ARHGAP45: variants seen among roughly 807,000 people sequenced by gnomAD.
ARHGAP45 encodes rho GTPase-activating protein 45.
In ARHGAP45, 56 loss-of-function variants were observed where a neutral mutation model predicts 116.1. That is an observed-to-expected ratio of 0.48 (90% CI 0.39 to 0.60). The LOEUF (loss-of-function observed/expected upper bound fraction) is 0.60, where lower values mean the gene tolerates loss of function less well. Ranked by LOEUF, ARHGAP45 falls within the 20% of genes least tolerant of loss-of-function variation. The pLI is 0.00. For synonymous variants in ARHGAP45, 866 were observed against 701.7 expected (o/e 1.23, Z -3.70); for missense variants, 1,622 against 1,601.0 (o/e 1.01, Z -0.22).
chr19:1,086,204 T>A lies in ARHGAP45; in HGVS notation c.*198T>A. 2 of 589,102 alleles carry A rather than the reference T, an allele frequency of 3.4e-6. No individual in the cohort carries two copies. Among genetic ancestry groups the A allele is most frequent in the Non-Finnish European group, 6.1e-6 (2 of 330,396 alleles). 36.5% of individuals were successfully genotyped at this position (589,102 alleles called of 1,614,324 possible). A position where few individuals can be genotyped will look rare whatever the true frequency, so the allele number is the denominator to read the frequency against. On this transcript the variant is annotated 3_prime_UTR_variant, in exon 23 of 23. Coordinates refer to ENST00000313093, the MANE Select transcript of ARHGAP45 (RefSeq NM_012292.5). ...ACGAGGGCCTTGCGGCACAGGACTG[T>A]GCCCTGTGCTGTCCCCTGCACCCCG...
In ARHGAP45 at chr19:1,068,637, C is replaced by T. The variant is rs765581037; in HGVS notation, c.314C>T (p.Thr105Ile). The T allele has an allele frequency of 2.5e-6, 4 of 1,612,242 alleles. No homozygotes were observed. In the East Asian group the frequency reaches 6.7e-5, roughly 27 times the overall value. The stretch of plus-strand genomic sequence containing the variant: ...GCCGCCAGCCCGGGCGAGCTGCCCA[C>T]CGAGGGTGCCGGCCCGGACGTCGTC... ...LTAASPGELP[T>I]EGAGPDVVED... The change falls in exon 2 of 23, where the codon ACC (threonine) becomes ATC (isoleucine). Residue 105 changes from threonine to isoleucine, a missense_variant. By Grantham distance (89) the Thr-to-Ile change is moderately conservative. Coordinates refer to ENST00000313093, the MANE Select transcript of ARHGAP45 (RefSeq NM_012292.5). This position sits in a 1 kb window ranked among gnomAD's most constrained non-coding sequence, Gnocchi z 7.5.
chr19:1,082,150 A>ATCCCCGGGGAAGGG, intron 19 of ARHGAP45, among the ~76,000 whole-genome samples, 189 bp downstream of exon 19: 1 of 148,372 alleles, frequency 6.7e-6, no homozygotes, highest in South Asian at 2.1e-4. Context: ...GGGCGTGGTC[A>ATCCCCGGGGAAGGG]CGGTAGGAGC....
chr19:1,084,935 A>C (rs1475000607), intron 22 of ARHGAP45, among the ~76,000 whole-genome samples: 1 of 152,198 alleles, frequency 6.6e-6, no homozygotes, highest in East Asian at 1.9e-4. Flanking sequence ...TACAAAAATT[A>C]GACAGGTGTG....
chr19:1,086,291 C>A lies in ARHGAP45; in HGVS notation c.*285C>A. On this transcript the variant is annotated 3_prime_UTR_variant, in exon 23 of 23. Coordinates refer to ENST00000313093, the MANE Select transcript of ARHGAP45 (RefSeq NM_012292.5). ...GTCACAGTGGCCTTGTTGGTGCCCACAGGGCTGTGTGGATGGAGGAAGCTG... is the reference window on the plus strand; with the variant it reads ...GTCACAGTGGCCTTGTTGGTGCCCAAAGGGCTGTGTGGATGGAGGAAGCTG... 1 of 409,072 alleles carries A rather than the reference C, an allele frequency of 2.4e-6. No individual in the cohort carries two copies. The highest frequency in any genetic ancestry group is 4.5e-6 in the Non-Finnish European group (1 of 222,238). 25.3% of individuals were successfully genotyped at this position (409,072 alleles called of 1,614,324 possible). A position where few individuals can be genotyped will look rare whatever the true frequency, so the allele number is the denominator to read the frequency against.
intron 10 of ARHGAP45, chr19:1,077,277 T>C (rs1418678650): frequency 1.0e-6 from 1 of 985,010 alleles, no homozygotes; most frequent in East Asian, 1.1e-4. Context: ...TGAGCCTCTG[T>C]GCAGAGCTTG....
intron 2 of ARHGAP45, among the ~76,000 whole-genome samples, chr19:1,070,996 G>C (rs909363528): frequency 6.6e-6 from 1 of 152,192 alleles, no homozygotes; most frequent in African/African-American, 2.4e-5. Flanking sequence ...CCGCGTTCAG[G>C]CAGCTAGGAG....
At chr19:1,082,253 G>A (rs1769635824) in intron 19 of ARHGAP45, among the ~76,000 whole-genome samples, 1 of 136,516 alleles carries the variant, frequency 7.3e-6, no homozygotes, top group African/African-American at 2.8e-5. Flanking sequence ...GGCCACGGCA[G>A]AGGCACACCT....
At chr19:1,077,741 TGGGCCATG>T in intron 10 of ARHGAP45, 108 bp from the exon 11 acceptor site, 1 of 1,531,620 alleles carries the variant, frequency 6.5e-7, no homozygotes. Flanking sequence ...CATGCCCAGC[TGGGCCATG>T]GGGCCTTGCT....
chr19:1,067,369 C>T lies in ARHGAP45; in HGVS notation c.-37C>T. The T allele has an allele frequency of 6.5e-7, 1 of 1,532,958 alleles. No homozygotes were observed. The highest frequency in any genetic ancestry group is 8.8e-7 in the Non-Finnish European group (1 of 1,142,208). 95.0% of individuals were successfully genotyped at this position (1,532,958 alleles called of 1,614,324 possible). A position where few individuals can be genotyped will look rare whatever the true frequency, so the allele number is the denominator to read the frequency against. On this transcript the variant is annotated 5_prime_UTR_variant, in exon 1 of 23. Coordinates refer to ENST00000313093, the MANE Select transcript of ARHGAP45 (RefSeq NM_012292.5). ...CCGGGAGCTGCAGCGCTGAGACCCC[C>T]AGCCCGCCCCCTCGGGCTCCCGGCC...
Position 1,079,888 on chromosome 19 carries a change from GCCT to G in ARHGAP45, c.1513-33_1513-31del, listed in dbSNP as rs779593256. 3.1e-5 allele frequency: 49 copies of G among 1,593,760 alleles called. No individual in the cohort carries two copies. The East Asian group carries it at 5.6e-4, about 18-fold the overall frequency. On this transcript the variant is annotated intron_variant, in intron 12 of 22. Coordinates refer to ENST00000313093, the MANE Select transcript of ARHGAP45 (RefSeq NM_012292.5). ...CCGGGCGGGGATGGTGGACCGGGCG[GCCT>G]CCTCCTGACCCCTCCGCTCTCCGGT...
chr19:1,075,009 G>T (rs1034149811), intron 10 of ARHGAP45, 130 bp downstream of exon 10: 3 of 674,116 alleles, frequency 4.5e-6, no homozygotes, highest in South Asian at 7.1e-5. Flanking sequence ...GCGCATGCGC[G>T]GCCTCGCAGG....
chr19:1,075,236 CTTTTTT>C (rs551827897), intron 10 of ARHGAP45, among the ~76,000 whole-genome samples: 30 of 131,022 alleles, frequency 2.3e-4, no homozygotes, highest in African/African-American at 8.7e-4. Context: ...TGCATGTATT[CTTTTTT>C]TTTTTTTTTT....
At chr19:1,076,337 G>T (rs1013039346) in intron 10 of ARHGAP45, among the ~76,000 whole-genome samples, 1 of 152,074 alleles carries the variant, frequency 6.6e-6, no homozygotes, top group African/African-American at 2.4e-5. Context: ...TGATTTGTCA[G>T]AGCTTTTTAC....
Position 1,080,803 on chromosome 19 carries a change from G to A in ARHGAP45, c.2017+17G>A, listed in dbSNP as rs758441689. On this transcript the variant is annotated intron_variant, in intron 16 of 22. Coordinates refer to ENST00000313093, the MANE Select transcript of ARHGAP45 (RefSeq NM_012292.5). ...TTGAGCAGGGTGAGGGTCCCCTGAC[G>A]GGGCTGGAGAGAGAGGGGGGTTTGG... 2.5e-6 allele frequency: 4 copies of A among 1,612,644 alleles called. No homozygotes were observed. The highest frequency in any genetic ancestry group is 2.2e-5 in the South Asian group (2 of 91,046).
intron 19 of ARHGAP45, among the ~76,000 whole-genome samples, chr19:1,082,256 G>A (rs1337987928): frequency 3.8e-5 from 5 of 130,468 alleles, no homozygotes; most frequent in African/African-American, 8.2e-5. Flanking sequence ...CACGGCAGAG[G>A]CACACCTGAC....
intron 13 of ARHGAP45, 34 bp downstream of exon 13, chr19:1,080,152 C>T: frequency 1.2e-6 from 2 of 1,610,758 alleles, no homozygotes; most frequent in Non-Finnish European, 1.7e-6. Flanking sequence ...CCCCGGCGCA[C>T]AAGGCCCTGC....
chr19:1,083,483 C>G (rs910469356), intron 21 of ARHGAP45, 130 bp downstream of exon 21: 5 of 749,726 alleles, frequency 6.7e-6, no homozygotes, highest in African/African-American at 5.3e-5. Context: ...CAGGGCTGTT[C>G]GGGAGGCCAC....
At chr19:1,073,476 C>T in intron 3 of ARHGAP45, 30 bp from the exon 4 acceptor site, 1 of 1,606,214 alleles carries the variant, frequency 6.2e-7, no homozygotes, top group Non-Finnish European at 8.5e-7. Flanking sequence ...AGAGTGGGCC[C>T]ACCTCCTTGT....
Position 1,085,802 on chromosome 19 carries a change from CA to C in ARHGAP45, c.3208del (p.Ser1070AlafsTer47). On this transcript the variant is annotated frameshift_variant, in exon 23 of 23. Coordinates refer to ENST00000313093, the MANE Select transcript of ARHGAP45 (RefSeq NM_012292.5). LOFTEE classifies it low-confidence loss of function (END_TRUNC). Reference protein sequence around the residue: ...SEASLEVASGSHSGSEEQLEA... With the variant: ...SEASLEVASGXHSGSEEQLEA... ...AGGCCAGCCTAGAGGTGGCTTCTGG[CA>C]GCCACAGCGGCAGTGAGGAGCAGCT... The C allele has an allele frequency of 6.2e-7, 1 of 1,612,828 alleles. No individual in the cohort carries two copies. The highest frequency in any genetic ancestry group is 8.5e-7 in the Non-Finnish European group (1 of 1,179,910).
Sources: gnomAD v4.1 joint callset for allele counts (sites outside exome capture counted in the v4.1 genomes callset) on GRCh38, gnomAD v4.1.1 for gene constraint, Gnocchi (gnomAD v3.1) non-coding constraint, MANE v1.5 for transcripts, NCBI Gene and HGNC (gene_info 2026-07-23, HGNC 2026-07-21) for gene names.